SYT1: variants seen among roughly 807,000 people sequenced by gnomAD.
The protein encoded by SYT1 is synaptotagmin 1.
Under a neutral mutation model 44.8 loss-of-function variants are expected in SYT1, and 8 were observed. The ratio of observed to expected loss-of-function variants is 0.18; its 90% CI spans 0.10 to 0.32. The LOEUF (loss-of-function observed/expected upper bound fraction) is 0.32. Ranked by LOEUF, SYT1 falls within the 10% of genes least tolerant of loss-of-function variation. SYT1 has a pLI of 1.00. For synonymous variants in SYT1, 154 were observed against 188.8 expected (o/e 0.82, Z 1.51); for missense variants, 286 against 509.3 (o/e 0.56, Z 4.22).
intron 9 of SYT1, among the ~76,000 whole-genome samples, chr12:79,436,199 A>G (rs556306474): frequency 2.9e-4 from 44 of 152,190 alleles, no homozygotes; most frequent in Non-Finnish European, 6.0e-4. Flanking sequence ...CAATTTAAAC[A>G]ATTTGGAATA....
chr12:79,000,545 C>A (rs938560722), intron 2 of SYT1, among the ~76,000 whole-genome samples: 1 of 152,136 alleles, frequency 6.6e-6, no homozygotes, highest in Admixed American at 6.5e-5. Context: ...GTGATCCACC[C>A]ACCTCAGCCT....
chr12:78,937,230 G>A (rs982256096), intron 1 of SYT1, among the ~76,000 whole-genome samples: 1 of 151,742 alleles, frequency 6.6e-6, no homozygotes, highest in African/African-American at 2.4e-5. Flanking sequence ...CTTTTTTTTC[G>A]AGGTCCTGTG....
chr12:79,234,266 C>A (rs774794085), intron 4 of SYT1, among the ~76,000 whole-genome samples: 8 of 152,172 alleles, frequency 5.3e-5, no homozygotes, highest in Non-Finnish European at 8.8e-5. Flanking sequence ...GTTGAACTCT[C>A]CTCTTTTGTT....
intron 3 of SYT1, among the ~76,000 whole-genome samples, chr12:79,202,345 A>G (rs1592848747): frequency 6.6e-6 from 1 of 152,182 alleles, no homozygotes; most frequent in Non-Finnish European, 1.5e-5. Flanking sequence ...TGGTGACTCA[A>G]TGGTATTTTA....
At chr12:78,979,273 A>G (rs1869074167) in intron 2 of SYT1, among the ~76,000 whole-genome samples, 1 of 152,134 alleles carries the variant, frequency 6.6e-6, no homozygotes, top group African/African-American at 2.4e-5. Context: ...AGATCTTAAA[A>G]TATTTCCATT....
intron 3 of SYT1, among the ~76,000 whole-genome samples, chr12:79,213,791 G>T (rs981206683): frequency 2.0e-5 from 3 of 152,116 alleles, no homozygotes; most frequent in Non-Finnish European, 4.4e-5. Context: ...CAGGTGTGTT[G>T]GTGGGTGCCT....
chr12:79,331,602 GTCCCTTTGCAGCATTTTTTA>G (rs1250003395), intron 8 of SYT1, among the ~76,000 whole-genome samples: 1 of 151,972 alleles, frequency 6.6e-6, no homozygotes, highest in Non-Finnish European at 1.5e-5. Context: ...GAAATAATTT[GTCCCTTTGCAGCATTTTTTA>G]TCCCTTTGCA....
At chr12:79,249,460 A>AATCACATGCATCCAGAGGAGAC (rs1877065712) in intron 4 of SYT1, among the ~76,000 whole-genome samples, 1 of 152,172 alleles carries the variant, frequency 6.6e-6, no homozygotes, top group Non-Finnish European at 1.5e-5. Context: ...AGTGGTGAGA[A>AATCACATGCATCCAGAGGAGAC]ATCACATGCA....
intron 8 of SYT1, among the ~76,000 whole-genome samples, chr12:79,315,597 T>G (rs1881043390): frequency 6.6e-6 from 1 of 152,166 alleles, no homozygotes; most frequent in South Asian, 2.1e-4. Context: ...GAAACAGCCC[T>G]CAGGTGTGCT....
At chr12:78,957,191 G>C (rs548009574) in intron 1 of SYT1, among the ~76,000 whole-genome samples, 1 of 152,168 alleles carries the variant, frequency 6.6e-6, no homozygotes, top group Admixed American at 6.6e-5. Flanking sequence ...ACCTAAAACC[G>C]GTCACAGTGG....
chr12:78,888,604 T>C (rs1163169544), intron 1 of SYT1, among the ~76,000 whole-genome samples: 1 of 151,958 alleles, frequency 6.6e-6, no homozygotes, highest in Non-Finnish European at 1.5e-5. Context: ...TATCATCTTT[T>C]CTAATCTTGT....
chr12:79,007,103 C>G (rs893508100), intron 2 of SYT1, among the ~76,000 whole-genome samples: 1 of 152,120 alleles, frequency 6.6e-6, no homozygotes, highest in Non-Finnish European at 1.5e-5. Flanking sequence ...AAGGGCCACT[C>G]CTGCTGCTGA....
At chr12:79,405,489 T>G (rs1885212297) in intron 9 of SYT1, among the ~76,000 whole-genome samples, 1 of 152,122 alleles carries the variant, frequency 6.6e-6, no homozygotes, top group African/African-American at 2.4e-5. Flanking sequence ...AAACAAACAT[T>G]TTATGACTCT....
intron 9 of SYT1, among the ~76,000 whole-genome samples, chr12:79,401,693 A>C (rs1191027510): frequency 2.0e-5 from 3 of 150,398 alleles, no homozygotes; most frequent in Non-Finnish European, 3.0e-5. Context: ...TTTTGGAGAC[A>C]AGGTCTCACC....
At chr12:79,015,366 G>T (rs1029490369) in intron 2 of SYT1, among the ~76,000 whole-genome samples, 1 of 151,940 alleles carries the variant, frequency 6.6e-6, no homozygotes, top group Admixed American at 6.6e-5. Flanking sequence ...TTGTCCTTTT[G>T]TTTTAAGTAA....
At chr12:79,412,396 C>G (rs367904655) in intron 9 of SYT1, among the ~76,000 whole-genome samples, 1 of 152,166 alleles carries the variant, frequency 6.6e-6, no homozygotes, top group African/African-American at 2.4e-5. Flanking sequence ...TCAGCCCATT[C>G]GCCCAACTCC....
At chr12:79,371,388 A>T (rs1184302601) in intron 9 of SYT1, among the ~76,000 whole-genome samples, 1 of 152,072 alleles carries the variant, frequency 6.6e-6, no homozygotes, top group African/African-American at 2.4e-5. Context: ...TCATCAGTTG[A>T]CTCACAATGA....
At chr12:79,330,537 C>T (rs779403780) in intron 8 of SYT1, among the ~76,000 whole-genome samples, 1 of 152,178 alleles carries the variant, frequency 6.6e-6, no homozygotes, top group Non-Finnish European at 1.5e-5. Flanking sequence ...AATTACCTCA[C>T]AGGGCTGACT....
intron 2 of SYT1, among the ~76,000 whole-genome samples, chr12:78,980,918 G>A (rs924585570): frequency 6.6e-6 from 1 of 152,028 alleles, no homozygotes; most frequent in Admixed American, 6.6e-5. Flanking sequence ...CTGAGCCAGG[G>A]GGGAGAGGGA....
Sources: allele counts gnomAD v4.1 joint callset (sites outside exome capture counted in the v4.1 genomes callset), GRCh38; gene constraint gnomAD v4.1.1; transcripts MANE v1.5; gene names NCBI Gene and HGNC (gene_info 2026-07-23, HGNC 2026-07-21).